The following BLTP3B variants were observed in gnomAD, a reference collection of about 807,000 sequenced individuals.
The protein encoded by BLTP3B is UHRF1 (ICBP90) binding protein 1-like.
At chr12:100,073,386 G>T in the BLTP3B span, among the ~76,000 whole-genome samples, 1 of 145,058 alleles carries the variant, frequency 6.9e-6, no homozygotes, top group African/African-American at 2.6e-5. Context: ...TTTTGGTAGA[G>T]ACGGGGTTTC....
At chr12:100,057,859 T>C in the BLTP3B span, 2 of 1,292,692 alleles carry the variant, frequency 1.5e-6, no homozygotes, top group South Asian at 1.5e-5. Context: ...AAATTATATT[T>C]AAACGTATAA....
At chr12:100,122,739 CAT>C in the BLTP3B span, among the ~76,000 whole-genome samples, 1 of 152,198 alleles carries the variant, frequency 6.6e-6, no homozygotes, top group Non-Finnish European at 1.5e-5. Flanking sequence ...ACAAATCCCA[CAT>C]GTCCCATCCC....
chr12:100,117,427 T>C, the BLTP3B span, among the ~76,000 whole-genome samples: 1 of 152,052 alleles, frequency 6.6e-6, no homozygotes, highest in Non-Finnish European at 1.5e-5. Flanking sequence ...AGAAAAAGGG[T>C]AGACATACAC....
chr12:100,048,227 T>C, the BLTP3B span: 1 of 1,550,286 alleles, frequency 6.5e-7, no homozygotes, highest in Non-Finnish European at 8.7e-7. Context: ...AAAATGTTTG[T>C]AGCATTATTC....
At chr12:100,082,694 T>C in the BLTP3B span, among the ~76,000 whole-genome samples, 4 of 152,246 alleles carry the variant, frequency 2.6e-5, no homozygotes, top group African/African-American at 7.2e-5. Context: ...GAAGATCACA[T>C]GGTTGTAGGT....
the BLTP3B span, among the ~76,000 whole-genome samples, chr12:100,108,004 A>G: frequency 1.3e-5 from 2 of 152,140 alleles, no homozygotes; most frequent in Non-Finnish European, 2.9e-5. Context: ...GGCCTTCCAA[A>G]GTGCTGGGAT....
chr12:100,076,429 T>G, the BLTP3B span, among the ~76,000 whole-genome samples: 2 of 147,956 alleles, frequency 1.4e-5, no homozygotes, highest in Non-Finnish European at 3.0e-5. Flanking sequence ...AGTCTCACTC[T>G]GTCATCCAGG....
chr12:100,115,495 G>A, the BLTP3B span, among the ~76,000 whole-genome samples: 3 of 152,204 alleles, frequency 2.0e-5, no homozygotes, highest in African/African-American at 7.2e-5. Context: ...TAGGCCGGGC[G>A]TCGTGGCTCA....
the BLTP3B span, among the ~76,000 whole-genome samples, chr12:100,053,780 T>A: frequency 6.6e-6 from 1 of 152,134 alleles, no homozygotes; most frequent in African/African-American, 2.4e-5. Context: ...CTCTAGGGAT[T>A]TCCATATTAT....
chr12:100,074,086 C>T, the BLTP3B span, among the ~76,000 whole-genome samples: 8,529 of 152,182 alleles, frequency 0.056, 773 homozygotes, highest in African/African-American at 0.19. Flanking sequence ...TATTTCTCTT[C>T]GCTGACAATA....
chr12:100,098,931 T>TAGATAGATAGATAGATAGAC, the BLTP3B span, among the ~76,000 whole-genome samples: 8,411 of 151,558 alleles, frequency 0.055, 276 homozygotes, highest in South Asian at 0.077. Flanking sequence ...GATAGATAGA[T>TAGATAGATAGATAGATAGAC]AGACAGACAG....
chr12:100,089,166 T>G, the BLTP3B span: 2 of 1,314,002 alleles, frequency 1.5e-6, no homozygotes, highest in Non-Finnish European at 2.0e-6. Context: ...AATCTAAGTA[T>G]TTTCAGTCGA....
the BLTP3B span, chr12:100,057,691 TATA>T: frequency 6.2e-6 from 10 of 1,612,328 alleles, no homozygotes; most frequent in South Asian, 1.1e-4. Flanking sequence ...TTCATATTCT[TATA>T]AGAAACACAG....
chr12:100,139,919 G>A, the BLTP3B span, among the ~76,000 whole-genome samples: 1 of 152,210 alleles, frequency 6.6e-6, no homozygotes. Context: ...TCTGTGGTCA[G>A]GAAAGGTCAC....
chr12:100,073,661 C>G, the BLTP3B span, among the ~76,000 whole-genome samples: 1 of 152,014 alleles, frequency 6.6e-6, no homozygotes, highest in South Asian at 2.1e-4. Flanking sequence ...TAGCTATAAA[C>G]ACTTCCGTCA....
At chr12:100,127,858 TAA>T in the BLTP3B span, among the ~76,000 whole-genome samples, 14 of 152,040 alleles carry the variant, frequency 9.2e-5, no homozygotes, top group African/African-American at 3.1e-4. Flanking sequence ...TATAAAAATT[TAA>T]AAACTCAGCC....
At chr12:100,058,589 A>C in the BLTP3B span, 1 of 1,613,508 alleles carries the variant, frequency 6.2e-7, no homozygotes, top group South Asian at 1.1e-5. Flanking sequence ...TAGGCAAATA[A>C]TCAGGTACCA....
At chr12:100,084,467 G>A in the BLTP3B span, 23 of 1,604,916 alleles carry the variant, frequency 1.4e-5, no homozygotes, top group Non-Finnish European at 1.8e-5. Flanking sequence ...GCTATTATAG[G>A]TAAAATACCT....
At chr12:100,104,199 T>C in the BLTP3B span, among the ~76,000 whole-genome samples, 3 of 150,414 alleles carry the variant, frequency 2.0e-5, no homozygotes, top group Middle Eastern at 3.4e-3. Context: ...GTAAGTTCTT[T>C]TTTTCTTTTT....
Sources: allele counts gnomAD v4.1 joint callset (sites outside exome capture counted in the v4.1 genomes callset), GRCh38; gene constraint gnomAD v4.1.1; transcripts MANE v1.5; gene names NCBI Gene and HGNC (gene_info 2026-07-23, HGNC 2026-07-21).